SMARCA4: variants seen among roughly 807,000 people sequenced by gnomAD.
SMARCA4 encodes SWI/SNF related BAF chromatin remodeling complex subunit ATPase 4.
A neutral mutation model predicts 193.9 loss-of-function variants in SMARCA4; 31 were observed. The ratio of observed to expected loss-of-function variants is 0.16; its 90% CI spans 0.12 to 0.22. The LOEUF (loss-of-function observed/expected upper bound fraction) is 0.22. Ranked by LOEUF, SMARCA4 falls within the 10% of genes least tolerant of loss-of-function variation. SMARCA4 has a pLI of 1.00. For synonymous variants in SMARCA4, 942 were observed against 933.1 expected (o/e 1.01, Z -0.17); for missense variants, 1,148 against 2,296.0 (o/e 0.50, Z 10.22).
At chr19:10,972,461 G>A (rs548455448) in intron 1 of SMARCA4, among the ~76,000 whole-genome samples, 79 of 151,732 alleles carry the variant, frequency 5.2e-4, no homozygotes, top group African/African-American at 1.9e-3. Flanking sequence ...GTCATGTTTG[G>A]CTATTTCTGT....
At chr19:11,021,417 C>G in intron 18 of SMARCA4, 1 of 474,640 alleles carries the variant, frequency 2.1e-6, no homozygotes, top group South Asian at 1.9e-5. Context: ...CGGCATTTTT[C>G]TGTGCTGTAG....
intron 16 of SMARCA4, among the ~76,000 whole-genome samples, chr19:11,018,706 C>A (rs1167684765): frequency 3.3e-5 from 5 of 152,236 alleles, no homozygotes; most frequent in Non-Finnish European, 5.9e-5. Flanking sequence ...TGTGTCCCTA[C>A]TTCTCACTCT....
intron 1 of SMARCA4, among the ~76,000 whole-genome samples, chr19:10,975,373 G>A (rs866119144): frequency 6.8e-6 from 1 of 147,734 alleles, no homozygotes; most frequent in Non-Finnish European, 1.5e-5. Context: ...GTGCAGTGGC[G>A]CGATCTTGGC....
At position 11,024,653 on chromosome 19, in the gene SMARCA4, C is replaced by G. The variant is rs140627606; in HGVS notation, c.3081+215C>G. ...TCCTTTGCCTATGAAACACTGGCTC[C>G]TTCTGCAATTGGCAGCCTGGGCCCA... On this transcript the variant is annotated intron_variant, in intron 21 of 34. Transcript: ENST00000344626. Among the ~76,000 whole-genome samples the G allele has an allele frequency of 2.1e-3, 326 of 152,296 alleles. 2 individuals carry two copies. The highest frequency in any genetic ancestry group is 6.8e-3 in the Middle Eastern group (2 of 294).
rs182216159 is a variant in SMARCA4, at chr19:11,039,332, C to T, written c.4171-1975C>T. The T allele has an allele frequency of 3.9e-5, 21 of 539,752 alleles. No individual in the cohort carries two copies. In the South Asian group the frequency reaches 3.9e-4, roughly 10 times the overall value. The allele number at this position is 539,752 out of a possible 1,614,324, so 33.4% of individuals were successfully genotyped here. A position where few individuals can be genotyped will look rare whatever the true frequency, so the allele number is the denominator to read the frequency against. ...TCGCACCACTGCACTCCAGCCTGGG[C>T]GACAGAATGAGACCCTGTCTCTGAA... is the stretch of plus-strand genomic sequence containing the variant. On this transcript the variant is annotated intron_variant, in intron 29 of 34. Coordinates refer to ENST00000344626, the MANE Select transcript of SMARCA4 (RefSeq NM_003072.5).
At chr19:11,061,194 A>G (rs1397296641) in intron 34 of SMARCA4, among the ~76,000 whole-genome samples, 3 of 64,938 alleles carry the variant, frequency 4.6e-5, no homozygotes, top group Admixed American at 1.7e-4. Context: ...TCTTTAAAAA[A>G]AAAAAAAAAA....
Position 10,987,988 on chromosome 19 carries a change from C to T in SMARCA4, c.1118+64C>T, listed in dbSNP as rs2145825935. The stretch of plus-strand genomic sequence containing the variant: ...GTCCCCCATGTCCCCCTGGGGAAGC[C>T]ACTCAACTTTCTCCCCCACTCTAGC... On this transcript the variant is annotated intron_variant, in intron 6 of 34. Coordinates refer to ENST00000344626, the MANE Select transcript of SMARCA4 (RefSeq NM_003072.5). This position sits in a 1 kb window ranked among gnomAD's most constrained non-coding sequence, Gnocchi z 5.3. 6.4e-7 allele frequency: 1 copy of T among 1,557,372 alleles called. No homozygotes were observed. The highest frequency in any genetic ancestry group is 1.1e-5 in the South Asian group (1 of 87,714).
At chr19:10,965,121 G>A (rs971703645) in intron 1 of SMARCA4, among the ~76,000 whole-genome samples, 1 of 152,180 alleles carries the variant, frequency 6.6e-6, no homozygotes, top group Non-Finnish European at 1.5e-5. Context: ...CCCTGGAGTT[G>A]TGCAAGAAAT....
At position 10,984,497 on chromosome 19, in the gene SMARCA4, T is replaced by G; in HGVS notation, c.222+124T>G. 6.6e-7 allele frequency: 1 copy of G among 1,513,280 alleles called. No individual in the cohort carries two copies. Among genetic ancestry groups the G allele is most frequent in the Non-Finnish European group, 8.9e-7 (1 of 1,118,632 alleles). The allele number at this position is 1,513,280 out of a possible 1,614,324, so 93.7% of individuals were successfully genotyped here. A position where few individuals can be genotyped will look rare whatever the true frequency, so the allele number is the denominator to read the frequency against. On this transcript the variant is annotated intron_variant, in intron 2 of 34. Coordinates refer to ENST00000344626, the MANE Select transcript of SMARCA4 (RefSeq NM_003072.5). The surrounding 1 kb of genome is among the most constrained non-coding windows in gnomAD (Gnocchi z 4.3). ...CCTTCTTGTTGGAGGTGTCCTGCCT[T>G]GGCTCAGCCCCCTACCCCAGGGCCC...
At position 11,019,632 on chromosome 19, in the gene SMARCA4, G is replaced by T. The variant is rs1555777765; in HGVS notation, c.2547G>T (p.Arg849=). The T allele has an allele frequency of 1.9e-6, 3 of 1,613,476 alleles. No individual in the cohort carries two copies. The highest frequency in any genetic ancestry group is 2.5e-6 in the Non-Finnish European group (3 of 1,179,780). Residue 849 remains arginine, a synonymous_variant, in exon 18 of 35, where the codon CGG becomes CGT. Coordinates refer to ENST00000344626, the MANE Select transcript of SMARCA4 (RefSeq NM_003072.5). This position sits in a 1 kb window ranked among gnomAD's most constrained non-coding sequence, Gnocchi z 6.1. The part of the protein sequence containing the change: ...AARRAFVPQL[R]SGKFNVLLTT... ...GACGGGCCTTTGTCCCCCAGCTCCGGAGTGGGAAGTTCAACGTCTTGCTGA... is the reference window on the plus strand; with the variant it reads ...GACGGGCCTTTGTCCCCCAGCTCCGTAGTGGGAAGTTCAACGTCTTGCTGA...
At chr19:11,023,951 C>G (rs2090058333) in intron 20 of SMARCA4, among the ~76,000 whole-genome samples, 10 of 152,242 alleles carry the variant, frequency 6.6e-5, no homozygotes, top group Admixed American at 6.5e-4. Flanking sequence ...GGCCCCCCAT[C>G]ATGGCTCTGG....
At position 11,034,269 on chromosome 19, in the gene SMARCA4, G is replaced by C. The variant is rs974922492; in HGVS notation, c.3951+69G>C. 3.0e-5 allele frequency: 36 copies of C among 1,216,696 alleles called. No homozygotes were observed. Among genetic ancestry groups the C allele is most frequent in the Non-Finnish European group, 4.4e-5 (36 of 819,844 alleles). 75.4% of individuals were successfully genotyped at this position (1,216,696 alleles called of 1,614,324 possible). A position where few individuals can be genotyped will look rare whatever the true frequency, so the allele number is the denominator to read the frequency against. On this transcript the variant is annotated intron_variant, in intron 28 of 34. Coordinates refer to ENST00000344626, the MANE Select transcript of SMARCA4 (RefSeq NM_003072.5). The surrounding 1 kb of genome is among the most constrained non-coding windows in gnomAD (Gnocchi z 7.0). ...TGCTGCCACCAGGAGCAAAGCAGAC[G>C]TCCTAGTGCCCATGGTGGTATCCCT...
chr19:11,048,317 C>T (rs1355666728), intron 30 of SMARCA4, among the ~76,000 whole-genome samples: 8 of 152,088 alleles, frequency 5.3e-5, no homozygotes, highest in East Asian at 1.9e-4. Flanking sequence ...CTGCAACCTC[C>T]ACCTTCCAGG....
In SMARCA4 at chr19:11,058,959, T is replaced by C; in HGVS notation, c.4635+70T>C. 8.2e-7 allele frequency: 1 copy of C among 1,213,932 alleles called. No homozygotes were observed. The highest frequency in any genetic ancestry group is 1.8e-5 in the Admixed American group (1 of 56,988). The allele number at this position is 1,213,932 out of a possible 1,614,324, so 75.2% of individuals were successfully genotyped here. A position where few individuals can be genotyped will look rare whatever the true frequency, so the allele number is the denominator to read the frequency against. ...GGGCTTTGACCCAACCCGCCCCTCC[T>C]TCCCTTCTGAATTGATGGGTTAAAA... On this transcript the variant is annotated intron_variant, in intron 32 of 34. Transcript: ENST00000344626. This position sits in a 1 kb window ranked among gnomAD's most constrained non-coding sequence, Gnocchi z 5.8.
chr19:11,060,944 C>G (rs906098689), intron 34 of SMARCA4, among the ~76,000 whole-genome samples: 1 of 152,108 alleles, frequency 6.6e-6, no homozygotes, highest in Non-Finnish European at 1.5e-5. Flanking sequence ...GCCCCTGTGT[C>G]AGGCAGGAGG....
At chr19:11,016,870 C>G (rs937200671) in intron 16 of SMARCA4, among the ~76,000 whole-genome samples, 1 of 152,086 alleles carries the variant, frequency 6.6e-6, no homozygotes, top group Non-Finnish European at 1.5e-5. Context: ...GCTGCAGGCT[C>G]ATGTAGTCTA....
chr19:11,020,617 G>T, intron 18 of SMARCA4: 1 of 152,082 alleles, frequency 6.6e-6, no homozygotes, highest in Non-Finnish European at 1.5e-5. Context: ...GGGTCTTGCT[G>T]TACTGCCCAG....
intron 1 of SMARCA4, among the ~76,000 whole-genome samples, chr19:10,971,483 A>G (rs1599830465): frequency 6.8e-6 from 1 of 146,210 alleles, no homozygotes; most frequent in Non-Finnish European, 1.5e-5. Context: ...TCTATGTGAC[A>G]TTGTGTCTTT....
Position 10,989,394 on chromosome 19 carries a change from A to T in SMARCA4, c.1196A>T (p.Lys399Ile), listed in dbSNP as rs1364132635. Residue 399 changes from lysine (K) to isoleucine (I), a missense_variant, in exon 7 of 35, where the codon AAA (lysine) becomes ATA (isoleucine). By Grantham distance (102) the Lys-to-Ile change is moderately radical. This residue lies in a region of SMARCA4 where 69 missense variants were observed against 186.9 expected (regional missense o/e 0.37). Transcript: ENST00000344626. ...PGSLAGDLRT[K>I]ATIELKALRL... ...TCCCTGGCCGGGGATTTGCGAACCA[A>T]AGCGACCATTGAGCTCAAGGCCCTC... 1 of 1,614,152 alleles carries T rather than the reference A, an allele frequency of 6.2e-7. No individual in the cohort carries two copies. Among genetic ancestry groups the T allele is most frequent in the Non-Finnish European group, 8.5e-7 (1 of 1,180,006 alleles).
Sources: allele counts gnomAD v4.1 joint callset (sites outside exome capture counted in the v4.1 genomes callset), GRCh38; gene constraint gnomAD v4.1.1; regional missense constraint gnomAD v4.1.1; non-coding constraint Gnocchi (gnomAD v3.1); transcripts MANE v1.5; gene names NCBI Gene and HGNC (gene_info 2026-07-23, HGNC 2026-07-21).